The following CIROZ variants were observed in gnomAD, a reference collection of about 807,000 sequenced individuals.
CIROZ encodes the protein ciliated left-right organizer ZP-N domains-containing protein.
the CIROZ span, chr1:10,954,236 A>C: frequency 7.2e-7 from 1 of 1,388,794 alleles, no homozygotes; most frequent in East Asian, 2.8e-5. Context: ...CAGGCGGATC[A>C]TGAGGTCAGG....
chr1:10,971,954 C>T, the CIROZ span, among the ~76,000 whole-genome samples: 3 of 152,194 alleles, frequency 2.0e-5, no homozygotes, highest in South Asian at 2.1e-4. Flanking sequence ...TTCCTTCTCC[C>T]CCATGACACA....
the CIROZ span, among the ~76,000 whole-genome samples, chr1:10,970,626 CA>C: frequency 6.6e-6 from 1 of 150,466 alleles, no homozygotes; most frequent in African/African-American, 2.4e-5. Flanking sequence ...AACTCTGACT[CA>C]AAAAAAAAGA....
the CIROZ span, chr1:10,976,339 T>A: frequency 1.4e-6 from 1 of 697,718 alleles, no homozygotes; most frequent in Non-Finnish European, 2.1e-6. Flanking sequence ...TTATATTTCT[T>A]TTTTTTTTTT....
At chr1:10,954,624 C>T in the CIROZ span, among the ~76,000 whole-genome samples, 1 of 152,188 alleles carries the variant, frequency 6.6e-6, no homozygotes, top group Non-Finnish European at 1.5e-5. Flanking sequence ...CAGCTCTGCC[C>T]TCCACATTTC....
At chr1:10,950,308 T>TA in the CIROZ span, among the ~76,000 whole-genome samples, 1 of 152,168 alleles carries the variant, frequency 6.6e-6, no homozygotes, top group Non-Finnish European at 1.5e-5. Flanking sequence ...GTGCTGGGAT[T>TA]ACAGGAGTGA....
the CIROZ span, chr1:10,948,482 C>T: frequency 3.7e-6 from 6 of 1,613,998 alleles, no homozygotes; most frequent in Non-Finnish European, 5.1e-6. Context: ...TGGCGGGGTC[C>T]TGTTCAGGCC....
the CIROZ span, chr1:10,948,651 C>T: frequency 3.3e-5 from 53 of 1,613,378 alleles, no homozygotes; most frequent in Non-Finnish European, 4.1e-5. Context: ...ACGTGGCCGC[C>T]AGGGACTAGC....
chr1:10,957,784 G>A, the CIROZ span: 3 of 1,602,392 alleles, frequency 1.9e-6, no homozygotes, highest in Non-Finnish European at 2.6e-6. Flanking sequence ...CACAAACCAT[G>A]TGGCCAGGGA....
the CIROZ span, among the ~76,000 whole-genome samples, chr1:10,962,756 T>C: frequency 6.6e-6 from 1 of 152,168 alleles, no homozygotes; most frequent in Non-Finnish European, 1.5e-5. Flanking sequence ...ATAGAATCGC[T>C]ATGAAGGTGA....
chr1:10,969,138 G>A, the CIROZ span, among the ~76,000 whole-genome samples: 2 of 152,044 alleles, frequency 1.3e-5, no homozygotes, highest in Non-Finnish European at 2.9e-5. Context: ...AATGAGCAGG[G>A]TCCCTAGGAG....
chr1:10,980,979 C>A, the CIROZ span, among the ~76,000 whole-genome samples: 2 of 152,248 alleles, frequency 1.3e-5, no homozygotes, highest in Non-Finnish European at 2.9e-5. Flanking sequence ...AGACTTCAAC[C>A]TCACAAAACG....
the CIROZ span, among the ~76,000 whole-genome samples, chr1:10,950,985 G>C: frequency 1.3e-5 from 2 of 152,102 alleles, no homozygotes; most frequent in African/African-American, 4.8e-5. Flanking sequence ...GGGTTCCCAG[G>C]ATTCTCCACC....
At chr1:10,953,178 C>T in the CIROZ span, among the ~76,000 whole-genome samples, 4 of 152,188 alleles carry the variant, frequency 2.6e-5, no homozygotes, top group East Asian at 7.7e-4. Flanking sequence ...AATATAATTA[C>T]ACTTTTGTGC....
the CIROZ span, chr1:10,955,028 C>T: frequency 6.2e-7 from 1 of 1,612,166 alleles, no homozygotes; most frequent in Non-Finnish European, 8.5e-7. Flanking sequence ...ATGCTGACCA[C>T]CACAAAGTCC....
the CIROZ span, among the ~76,000 whole-genome samples, chr1:10,980,988 C>T: frequency 6.6e-6 from 1 of 152,248 alleles, no homozygotes; most frequent in Admixed American, 6.5e-5. Flanking sequence ...CCTCACAAAA[C>T]GCCCAACAAA....
At chr1:10,961,002 C>T in the CIROZ span, among the ~76,000 whole-genome samples, 1 of 152,094 alleles carries the variant, frequency 6.6e-6, no homozygotes, top group Non-Finnish European at 1.5e-5. Context: ...ATGCAGAGCC[C>T]CCCCCACCCA....
At chr1:10,979,573 C>T in the CIROZ span, among the ~76,000 whole-genome samples, 1 of 150,152 alleles carries the variant, frequency 6.7e-6, no homozygotes, top group Non-Finnish European at 1.5e-5. Flanking sequence ...CACCCTTCGA[C>T]CCAGCGCTTC....
the CIROZ span, among the ~76,000 whole-genome samples, chr1:10,951,744 AAAT>A: frequency 3.0e-5 from 4 of 134,838 alleles, no homozygotes; most frequent in East Asian, 2.0e-4. Context: ...AAAAAAAAAA[AAAT>A]ATATATATAT....
At chr1:10,951,318 A>G in the CIROZ span, among the ~76,000 whole-genome samples, 8 of 152,110 alleles carry the variant, frequency 5.3e-5, no homozygotes, top group Non-Finnish European at 7.4e-5. Flanking sequence ...TAATCCCAGC[A>G]GTACGGGAGG....
Sources: allele counts gnomAD v4.1 joint callset (sites outside exome capture counted in the v4.1 genomes callset), GRCh38; gene constraint gnomAD v4.1.1; transcripts MANE v1.5; gene names NCBI Gene and HGNC (gene_info 2026-07-23, HGNC 2026-07-21).